The following MOSMO variants were observed in gnomAD, a reference collection of about 807,000 sequenced individuals.
The protein encoded by MOSMO is modulator of smoothened protein.
Under a neutral mutation model 18.4 loss-of-function variants are expected in MOSMO, and 5 were observed. The ratio of observed to expected loss-of-function variants is 0.27; its 90% CI spans 0.14 to 0.57. MOSMO has a LOEUF of 0.57. Ranked by LOEUF, MOSMO falls within the 20% of genes least tolerant of loss-of-function variation. MOSMO has a pLI of 0.92. For synonymous variants in MOSMO, 82 were observed against 82.3 expected (o/e 1.00, Z 0.02); for missense variants, 138 against 211.8 (o/e 0.65, Z 2.16).
In MOSMO at chr16:22,084,414, T is replaced by G. The variant is rs1361041211; in HGVS notation, c.*3534T>G. The G allele has an allele frequency of 2.0e-5, 3 of 152,184 alleles. No homozygotes were observed. Among genetic ancestry groups the G allele is most frequent in the Non-Finnish European group, 4.4e-5 (3 of 68,022 alleles). 9.4% of individuals were successfully genotyped at this position (152,184 alleles called of 1,614,324 possible). A position where few individuals can be genotyped will look rare whatever the true frequency, so the allele number is the denominator to read the frequency against. ...AAAAAAGTGGCCCGTGTAGGTAGGATTCCCTACACAGGACTTTTAGTTGTA... is the reference window on the plus strand; with the variant it reads ...AAAAAAGTGGCCCGTGTAGGTAGGAGTCCCTACACAGGACTTTTAGTTGTA... On this transcript the variant is annotated 3_prime_UTR_variant, in exon 3 of 3. Transcript: ENST00000542527.
intron 1 of MOSMO, among the ~76,000 whole-genome samples, chr16:22,029,386 C>G (rs1366391985): frequency 6.6e-6 from 1 of 152,140 alleles, no homozygotes; most frequent in Non-Finnish European, 1.5e-5. Context: ...TCCAGCATAC[C>G]TTACTGTCAT....
chr16:22,035,793 G>A (rs1056183635), intron 1 of MOSMO, among the ~76,000 whole-genome samples: 5 of 152,128 alleles, frequency 3.3e-5, no homozygotes, highest in African/African-American at 1.2e-4. Context: ...ATGCCTGACT[G>A]GAAATCGGAA....
At chr16:22,054,283 A>G (rs1900490395) in intron 1 of MOSMO, among the ~76,000 whole-genome samples, 1 of 152,000 alleles carries the variant, frequency 6.6e-6, no homozygotes, top group Admixed American at 6.6e-5. Context: ...TTCTGCAAAG[A>G]CAGGGTCTCA....
intron 1 of MOSMO, among the ~76,000 whole-genome samples, chr16:22,029,740 C>T (rs1899955709): frequency 6.6e-6 from 1 of 152,170 alleles, no homozygotes; most frequent in Non-Finnish European, 1.5e-5. Context: ...ATCCTCCCAT[C>T]TCAGCCTCTC....
intron 1 of MOSMO, among the ~76,000 whole-genome samples, chr16:22,043,280 G>GT (rs1900244536): frequency 1.3e-5 from 2 of 152,154 alleles, no homozygotes; most frequent in African/African-American, 4.8e-5. Flanking sequence ...GAATTTTAAA[G>GT]TTTTCTGCTT....
chr16:22,038,710 C>T (rs1000705509), intron 1 of MOSMO, among the ~76,000 whole-genome samples: 2 of 152,124 alleles, frequency 1.3e-5, no homozygotes, highest in African/African-American at 4.8e-5. Context: ...AGCTACTGTA[C>T]AGAATAAGAG....
chr16:22,032,447 C>A (rs963336074), intron 1 of MOSMO, among the ~76,000 whole-genome samples: 4 of 152,228 alleles, frequency 2.6e-5, no homozygotes, highest in Non-Finnish European at 4.4e-5. Flanking sequence ...TCGCCTTGGC[C>A]TCCCAAAGTG....
At chr16:22,038,661 G>A (rs185134125) in intron 1 of MOSMO, among the ~76,000 whole-genome samples, 1 of 152,276 alleles carries the variant, frequency 6.6e-6, no homozygotes, top group East Asian at 1.9e-4. Context: ...ATACTGGTAG[G>A]AAGTTTGAAA....
At chr16:22,059,812 G>A (rs543959992) in intron 1 of MOSMO, among the ~76,000 whole-genome samples, 1 of 152,222 alleles carries the variant, frequency 6.6e-6, no homozygotes, top group East Asian at 1.9e-4. Flanking sequence ...TTTTGGGAGG[G>A]GACACAGCCA....
intron 1 of MOSMO, among the ~76,000 whole-genome samples, chr16:22,038,814 A>T (rs1217395015): frequency 6.6e-6 from 1 of 152,200 alleles, no homozygotes; most frequent in African/African-American, 2.4e-5. Context: ...TCTTACAGTT[A>T]TGTACTTTTA....
intron 1 of MOSMO, among the ~76,000 whole-genome samples, chr16:22,020,524 A>C (rs538973641): frequency 7.5e-4 from 114 of 152,006 alleles, no homozygotes; most frequent in African/African-American, 2.7e-3. Flanking sequence ...TGAACTCCCG[A>C]CCTCGGGTGA....
Position 22,083,501 on chromosome 16 carries a change from A to G in MOSMO, c.*2621A>G, listed in dbSNP as rs942745898. On this transcript the variant is annotated 3_prime_UTR_variant, in exon 3 of 3. Coordinates refer to ENST00000542527, the MANE Select transcript of MOSMO (RefSeq NM_001164579.2). ...ATTCATATAGATTTCTATAAATCCT[A>G]TAAGTGAAAAGATAGACAACTGTCC... 2.2e-5 allele frequency: 7 copies of G among 312,512 alleles called. No homozygotes were observed. Among genetic ancestry groups the G allele is most frequent in the African/African-American group, 9.3e-5 (4 of 43,228 alleles). 19.4% of individuals were successfully genotyped at this position (312,512 alleles called of 1,614,324 possible).
rs965612664 is a variant in MOSMO at position 22,082,748 on chromosome 16, T to C, written c.*1868T>C. 1.3e-5 allele frequency: 2 copies of C among 152,204 alleles called. No individual in the cohort carries two copies. Among genetic ancestry groups the C allele is most frequent in the African/African-American group, 4.8e-5 (2 of 41,444 alleles). 9.4% of individuals were successfully genotyped at this position (152,204 alleles called of 1,614,324 possible). The stretch of plus-strand genomic sequence containing the variant: ...TCTTACTGTTAATTCAGCAGTATTT[T>C]ATTGTGAAAGAAAACCCCAGTGTTT... On this transcript the variant is annotated 3_prime_UTR_variant, in exon 3 of 3. Transcript: ENST00000542527.
At chr16:22,039,323 C>G (rs1441051361) in intron 1 of MOSMO, among the ~76,000 whole-genome samples, 2 of 152,056 alleles carry the variant, frequency 1.3e-5, no homozygotes, top group Non-Finnish European at 2.9e-5. Context: ...AGTTTCTTTC[C>G]TTTTTATCTA....
Position 22,037,686 on chromosome 16 carries a change from T to G in MOSMO, c.106+29279T>G, listed in dbSNP as rs572923678. Among the ~76,000 whole-genome samples the G allele has an allele frequency of 1.4e-4, 21 of 152,336 alleles. No individual in the cohort carries two copies. The South Asian group carries it at 4.3e-3, about 32-fold the overall frequency. ...GTTTCAACTACTTTGCTGGGACAGCTCACAGAACTCAGGGAAATACTTACT... is the reference window on the plus strand; with the variant it reads ...GTTTCAACTACTTTGCTGGGACAGCGCACAGAACTCAGGGAAATACTTACT... On this transcript the variant is annotated intron_variant, in intron 1 of 2. Coordinates refer to ENST00000542527, the MANE Select transcript of MOSMO (RefSeq NM_001164579.2).
chr16:22,008,312 T>A lies in MOSMO; in HGVS notation c.11T>A (p.Leu4Gln). Residue 4 changes from leucine (L) to glutamine (Q), a missense_variant, in exon 1 of 3, where the codon CTG (leucine) becomes CAG (glutamine). Physicochemically the swap from Leu to Gln is moderately radical, Grantham distance 113. Coordinates refer to ENST00000542527, the MANE Select transcript of MOSMO (RefSeq NM_001164579.2). ...GAGCGGGGCGGGGAGATGGATAAAC[T>A]GACCATCATCTCAGGATGTCTCTTT... The part of the protein sequence containing the change: MDK[L>Q]TIISGCLFLA... 1 of 1,528,766 alleles carries A rather than the reference T, an allele frequency of 6.5e-7. No homozygotes were observed. The highest frequency in any genetic ancestry group is 1.2e-5 in the South Asian group (1 of 83,556). 94.7% of individuals were successfully genotyped at this position (1,528,766 alleles called of 1,614,324 possible). A position where few individuals can be genotyped will look rare whatever the true frequency, so the allele number is the denominator to read the frequency against.
At position 22,081,020 on chromosome 16, in the gene MOSMO, GAA is replaced by G; in HGVS notation, c.*148_*149del. The G allele has an allele frequency of 3.1e-6, 1 of 319,836 alleles. No homozygotes were observed. The highest frequency in any genetic ancestry group is 5.5e-6 in the Non-Finnish European group (1 of 182,794). 19.8% of individuals were successfully genotyped at this position (319,836 alleles called of 1,614,324 possible). A position where few individuals can be genotyped will look rare whatever the true frequency, so the allele number is the denominator to read the frequency against. On this transcript the variant is annotated 3_prime_UTR_variant, in exon 3 of 3. Coordinates refer to ENST00000542527, the MANE Select transcript of MOSMO (RefSeq NM_001164579.2). ...CTCAGATGAAACTGATGCTGAGAAG[GAA>G]AAAAAAATGCTTTGGTTTGTTCTCA...
In MOSMO at chr16:22,058,425, CAAAA is replaced by C. The variant is rs924395309; in HGVS notation, c.107-17047_107-17044del. On this transcript the variant is annotated intron_variant, in intron 1 of 2. Coordinates refer to ENST00000542527, the MANE Select transcript of MOSMO (RefSeq NM_001164579.2). ...TGGGTGACAGAGCGAGACTCCGTCT[CAAAA>C]AAAAAAAAAAAAAAGAAAGAAACAA... Among the ~76,000 whole-genome samples the C allele has an allele frequency of 6.3e-3, 355 of 56,724 alleles. 2 individuals carry two copies. The highest frequency in any genetic ancestry group is 9.8e-3 in the Middle Eastern group (1 of 102). The allele number at this position is 56,724 out of a possible 152,430, so 37.2% of individuals were successfully genotyped here. A position where few individuals can be genotyped will look rare whatever the true frequency, so the allele number is the denominator to read the frequency against.
At chr16:22,059,644 G>A (rs1351406908) in intron 1 of MOSMO, among the ~76,000 whole-genome samples, 4 of 152,306 alleles carry the variant, frequency 2.6e-5, no homozygotes, top group South Asian at 4.1e-4. Flanking sequence ...GAGAATGAAC[G>A]CAGGAGGAAC....
Sources: gnomAD v4.1 joint callset for allele counts (sites outside exome capture counted in the v4.1 genomes callset) on GRCh38, gnomAD v4.1.1 for gene constraint, MANE v1.5 for transcripts, NCBI Gene and HGNC (gene_info 2026-07-23, HGNC 2026-07-21) for gene names.